The following GALNT13 variants were observed in gnomAD, a reference collection of about 807,000 sequenced individuals.
GALNT13 encodes polypeptide N-acetylgalactosaminyltransferase 13.
In GALNT13, 28 loss-of-function variants were observed where a neutral mutation model predicts 64.2. The observed-to-expected ratio is 0.44, with a 90% CI of 0.32 to 0.60. The LOEUF is 0.60. Among genes scored for constraint, GALNT13 ranks in the 20% least tolerant of loss-of-function variants. The probability of loss-of-function intolerance (pLI) is 0.05; values close to 1 mark genes in which losing one functional copy is unlikely to be tolerated. For synonymous variants in GALNT13, 214 were observed against 224.6 expected (o/e 0.95, Z 0.42); for missense variants, 577 against 669.8 (o/e 0.86, Z 1.53).
chr2:154,442,341 C>T (rs962990015), intron 12 of GALNT13, among the ~76,000 whole-genome samples: 3 of 151,994 alleles, frequency 2.0e-5, no homozygotes, highest in Non-Finnish European at 4.4e-5. Flanking sequence ...GTAATAAATG[C>T]ACTTCTTTGG....
chr2:153,069,852 C>G, the GALNT13 span, among the ~76,000 whole-genome samples: 8 of 152,274 alleles, frequency 5.3e-5, no homozygotes, highest in South Asian at 1.7e-3. Context: ...TGGTGCTTGG[C>G]CCTTGATCAT....
the GALNT13 span, among the ~76,000 whole-genome samples, chr2:153,271,495 A>G: frequency 6.6e-6 from 1 of 152,234 alleles, no homozygotes; most frequent in African/African-American, 2.4e-5. Context: ...GAACCAAATC[A>G]TGAGTGAACT....
At chr2:154,151,131 CT>C (rs1455033036) in intron 4 of GALNT13, among the ~76,000 whole-genome samples, 13 of 152,156 alleles carry the variant, frequency 8.5e-5, no homozygotes, top group African/African-American at 3.1e-4. Flanking sequence ...TATGTTGTGT[CT>C]TTGTTCTTGT....
chr2:153,689,761 T>C, the GALNT13 span, among the ~76,000 whole-genome samples: 1 of 152,146 alleles, frequency 6.6e-6, no homozygotes. Context: ...AGACTTTCAC[T>C]TTGTCTTTGA....
rs149983870 is a variant in GALNT13, at chr2:153,926,801, A to G, written c.-104-17593A>G. Among the ~76,000 whole-genome samples, 69 of 152,268 alleles carry G rather than the reference A, an allele frequency of 4.5e-4. 1 individual carries two copies. Among genetic ancestry groups the G allele is most frequent in the Admixed American group, 3.3e-3 (50 of 15,276 alleles). ...ATGAGTCAGAAATTTAGTCCGTATC[A>G]CTATTATTGGTGATTTTCTTATTAC... On this transcript the variant is annotated intron_variant, in intron 2 of 12. Transcript: ENST00000392825.
the GALNT13 span, among the ~76,000 whole-genome samples, chr2:153,193,997 G>C: frequency 6.6e-6 from 1 of 152,064 alleles, no homozygotes; most frequent in Non-Finnish European, 1.5e-5. Flanking sequence ...TATGTGACTA[G>C]ACACATTTCT....
At chr2:154,058,624 G>A (rs569468344) in intron 3 of GALNT13, among the ~76,000 whole-genome samples, 5 of 152,242 alleles carry the variant, frequency 3.3e-5, no homozygotes, top group Non-Finnish European at 7.4e-5. Flanking sequence ...TGGGAAGTTC[G>A]CATTCTAGGC....
At chr2:154,196,381 A>G (rs1686880132) in intron 4 of GALNT13, among the ~76,000 whole-genome samples, 1 of 152,204 alleles carries the variant, frequency 6.6e-6, no homozygotes, top group Non-Finnish European at 1.5e-5. Context: ...ATATTTCAAG[A>G]GAGAAACAGA....
chr2:153,609,291 C>T, the GALNT13 span, among the ~76,000 whole-genome samples: 1 of 152,190 alleles, frequency 6.6e-6, no homozygotes, highest in Non-Finnish European at 1.5e-5. Flanking sequence ...AAATCAACCT[C>T]TACCTTTTTC....
chr2:154,176,791 A>G (rs1685680232), intron 4 of GALNT13, among the ~76,000 whole-genome samples: 2 of 152,212 alleles, frequency 1.3e-5, no homozygotes, highest in Non-Finnish European at 2.9e-5. Flanking sequence ...AAGGTGTTTA[A>G]TATATCTCAT....
chr2:154,132,513 G>A (rs957341901), intron 3 of GALNT13, among the ~76,000 whole-genome samples: 1 of 151,960 alleles, frequency 6.6e-6, no homozygotes, highest in Non-Finnish European at 1.5e-5. Context: ...CTGTATATAA[G>A]ATATTTGTGG....
intron 3 of GALNT13, among the ~76,000 whole-genome samples, chr2:154,043,608 G>A (rs1454551799): frequency 6.6e-6 from 1 of 151,732 alleles, no homozygotes; most frequent in Non-Finnish European, 1.5e-5. Context: ...CAAGTTTACA[G>A]TATAATCAGT....
the GALNT13 span, among the ~76,000 whole-genome samples, chr2:153,170,281 T>C: frequency 6.6e-6 from 1 of 152,194 alleles, no homozygotes; most frequent in Admixed American, 6.6e-5. Flanking sequence ...TATAATAATA[T>C]ATCAGAGAAA....
chr2:153,687,809 A>T, the GALNT13 span, among the ~76,000 whole-genome samples: 1 of 151,976 alleles, frequency 6.6e-6, no homozygotes. Context: ...TACCTTTAGG[A>T]ATTAAAGATT....
At chr2:154,236,295 T>G in intron 4 of GALNT13, 1 of 402,010 alleles carries the variant, frequency 2.5e-6, no homozygotes, top group Non-Finnish European at 3.5e-6. Context: ...AGAGTCTATC[T>G]TTATGGTAAA....
intron 3 of GALNT13, among the ~76,000 whole-genome samples, chr2:153,992,023 A>G (rs911462476): frequency 6.6e-6 from 1 of 152,308 alleles, no homozygotes; most frequent in Admixed American, 6.5e-5. Flanking sequence ...AAAATGAAAC[A>G]TTAATCTGAT....
the GALNT13 span, among the ~76,000 whole-genome samples, chr2:153,834,017 T>TA: frequency 1.6e-5 from 2 of 121,360 alleles, no homozygotes; most frequent in Non-Finnish European, 3.5e-5. Context: ...AAAAAATTAA[T>TA]TTTTTTTGTG....
the GALNT13 span, among the ~76,000 whole-genome samples, chr2:153,366,454 A>G: frequency 6.6e-6 from 1 of 152,006 alleles, no homozygotes; most frequent in African/African-American, 2.4e-5. Flanking sequence ...GGACAACAGA[A>G]ATTATCTAAA....
the GALNT13 span, among the ~76,000 whole-genome samples, chr2:153,669,355 A>G: frequency 6.6e-6 from 1 of 152,158 alleles, no homozygotes; most frequent in Admixed American, 6.5e-5. Context: ...ATTGCTTGCC[A>G]GTGTAAGTAC....
Sources: allele counts gnomAD v4.1 joint callset (sites outside exome capture counted in the v4.1 genomes callset), GRCh38; gene constraint gnomAD v4.1.1; transcripts MANE v1.5; gene names NCBI Gene and HGNC (gene_info 2026-07-23, HGNC 2026-07-21).